Variants in NEK10 observed in about 807,000 individuals in gnomAD.
The protein encoded by NEK10 is serine/threonine-protein kinase Nek10.
Under a neutral mutation model 159.8 loss-of-function variants are expected in NEK10, and 122 were observed. The ratio of observed to expected loss-of-function variants is 0.76; its 90% confidence interval spans 0.66 to 0.89. NEK10 has a LOEUF of 0.89. NEK10 is among the 40% of genes least tolerant of loss of function. The pLI, the probability that NEK10 is intolerant of heterozygous loss-of-function variation, is 0.00. For missense variants in NEK10, 1,342 were observed against 1,323.1 expected (o/e 1.01, Z -0.22); for synonymous variants, 466 against 457.1 (o/e 1.02, Z -0.25).
intron 26 of NEK10, among the ~76,000 whole-genome samples, chr3:27,188,725 A>T (rs953535280): frequency 1.3e-5 from 2 of 152,188 alleles, no homozygotes; most frequent in Non-Finnish European, 2.9e-5. Context: ...TTTTTCACCC[A>T]TTTAAATGTT....
rs1951265160 is a variant in NEK10 at position 27,214,124 on chromosome 3, C to G, written c.2091-11567G>C. 2.0e-5 allele frequency among the ~76,000 whole-genome samples: 3 copies of G among 152,322 alleles called. 1 individual carries two copies. In the South Asian group the frequency reaches 6.2e-4, roughly 32 times the overall value. ...ATATCAGTTTTAACTAATCATCAAT[C>G]AGAAAATCTATGAATCCCACCCACG... On this transcript the variant is annotated intron_variant, in intron 23 of 35. Coordinates refer to ENST00000691995, the MANE Select transcript of NEK10 (RefSeq NM_001394966.1).
At chr3:27,143,695 A>C (rs1450867770) in intron 30 of NEK10, among the ~76,000 whole-genome samples, 1 of 152,160 alleles carries the variant, frequency 6.6e-6, no homozygotes, top group Non-Finnish European at 1.5e-5. Flanking sequence ...ACAAGCAAGC[A>C]AACAAACAAA....
intron 1 of NEK10, among the ~76,000 whole-genome samples, chr3:27,368,246 C>A (rs1454336048): frequency 6.6e-6 from 1 of 151,966 alleles, no homozygotes; most frequent in Admixed American, 6.6e-5. Context: ...GAGCTGAGAT[C>A]GCTCCACTGC....
At chr3:27,308,905 A>G in intron 10 of NEK10, 21 bp downstream of exon 10, 1 of 1,308,008 alleles carries the variant, frequency 7.6e-7, no homozygotes, top group Non-Finnish European at 1.1e-6. Flanking sequence ...ACTGGAAAGT[A>G]TATTAGAATA....
chr3:27,134,810 C>A (rs1943014744), intron 31 of NEK10, among the ~76,000 whole-genome samples: 2 of 152,138 alleles, frequency 1.3e-5, no homozygotes. Context: ...AATGATGACT[C>A]ATGCATAGTT....
chr3:27,292,946 T>C (rs1470869615), intron 16 of NEK10, among the ~76,000 whole-genome samples: 1 of 152,174 alleles, frequency 6.6e-6, no homozygotes, highest in Non-Finnish European at 1.5e-5. Context: ...CTCAATACTT[T>C]ATGTCTATTC....
At chr3:27,199,413 TC>T (rs1559596491) in intron 25 of NEK10, among the ~76,000 whole-genome samples, 1 of 152,174 alleles carries the variant, frequency 6.6e-6, no homozygotes, top group East Asian at 1.9e-4. Context: ...TGAGATACCA[TC>T]TTATACCAGT....
chr3:27,282,642 ATATATATACATAACTGTGT>A (rs1278349115), intron 22 of NEK10, among the ~76,000 whole-genome samples: 230 of 145,104 alleles, frequency 1.6e-3, no homozygotes, highest in East Asian at 3.7e-3. Context: ...TAACTGTGTT[ATATATATACATAACTGTGT>A]TATATATATA....
chr3:27,125,044 G>GAC (rs1941786101), intron 32 of NEK10, among the ~76,000 whole-genome samples: 1 of 152,048 alleles, frequency 6.6e-6, no homozygotes, highest in African/African-American at 2.4e-5. Context: ...GCTCTGAATA[G>GAC]ACACCTACAG....
rs867730584 is a variant in NEK10, at chr3:27,305,886, C to T, written c.804-915G>A. 9.9e-5 allele frequency among the ~76,000 whole-genome samples: 15 copies of T among 152,190 alleles called. 1 individual carries two copies. The highest frequency in any genetic ancestry group is 6.8e-3 in the Middle Eastern group (2 of 294). On this transcript the variant is annotated intron_variant, in intron 11 of 35. Transcript: ENST00000691995. ...CCAGTTTCATACTCTAAACACTCCC[C>T]TCCTGGATGGTGTCATCCATTCCCA...
chr3:27,145,836 T>C (rs1322664602), intron 30 of NEK10, among the ~76,000 whole-genome samples: 1 of 149,692 alleles, frequency 6.7e-6, no homozygotes, highest in Non-Finnish European at 1.5e-5. Flanking sequence ...GCAATGGCAT[T>C]TGGAGGAAGT....
chr3:27,261,200 G>GT (rs965089752), intron 22 of NEK10, among the ~76,000 whole-genome samples: 2 of 152,116 alleles, frequency 1.3e-5, no homozygotes. Context: ...TTTTTGAAGG[G>GT]TTTTTTTGTG....
intron 5 of NEK10, among the ~76,000 whole-genome samples, chr3:27,328,817 G>A (rs1408271953): frequency 4.6e-5 from 7 of 152,196 alleles, no homozygotes. Flanking sequence ...AGCAAGAGAT[G>A]ATGGGGGTTT....
chr3:27,295,623 T>G lies in NEK10; in HGVS notation c.1298A>C (p.Asn433Thr), dbSNP rs1410247793. 1 of 1,563,416 alleles carries G rather than the reference T, an allele frequency of 6.4e-7. No individual in the cohort carries two copies. Among genetic ancestry groups the G allele is most frequent in the East Asian group, 2.3e-5 (1 of 43,316 alleles). ...AGACATGTTTATTACCTGTAATAGA[T>G]TACTTTTTGCTGCATTCTTTTGCTT... Reference protein sequence around the residue: ...PNKQKNAAKSNLLQCYAFRAL... With the variant: ...PNKQKNAAKSTLLQCYAFRAL... The change falls in exon 15 of 36, where the codon AAT (asparagine) becomes ACT (threonine). Residue 433 changes from asparagine to threonine, a missense_variant. Coordinates refer to ENST00000691995, the MANE Select transcript of NEK10 (RefSeq NM_001394966.1).
Position 27,305,624 on chromosome 3 carries a change from A to AT in NEK10, c.804-654_804-653insA, listed in dbSNP as rs1473856007. Among the ~76,000 whole-genome samples the AT allele has an allele frequency of 8.8e-3, 911 of 103,592 alleles. 2 individuals carry two copies. The highest frequency in any genetic ancestry group is 0.029 in the African/African-American group (513 of 17,826). 68.0% of individuals were successfully genotyped at this position (103,592 alleles called of 152,430 possible). A position where few individuals can be genotyped will look rare whatever the true frequency, so the allele number is the denominator to read the frequency against. ...CATTGTGCTAAAGACTAAAAAAAAAAAAAAAATAATAATAATAAAAGCCTT... is the reference window on the plus strand; with the variant it reads ...CATTGTGCTAAAGACTAAAAAAAAAATAAAAAATAATAATAATAAAAGCCTT... On this transcript the variant is annotated intron_variant, in intron 11 of 35. Transcript: ENST00000691995.
chr3:27,174,591 T>C lies in NEK10; in HGVS notation c.2689+59A>G, dbSNP rs541563555. 1,140 of 1,599,704 alleles carry C rather than the reference T, an allele frequency of 7.1e-4. 5 individuals are homozygous for C. Among genetic ancestry groups the C allele is most frequent in the South Asian group, 3.8e-3 (342 of 89,238 alleles). On this transcript the variant is annotated intron_variant, in intron 27 of 35. Coordinates refer to ENST00000691995, the MANE Select transcript of NEK10 (RefSeq NM_001394966.1). ...GAAACAGGAAGGAGTCCAGAATACA[T>C]TCATGTTGACACACTGCCACTAGCA...
intron 11 of NEK10, among the ~76,000 whole-genome samples, chr3:27,307,436 G>C (rs527284892): frequency 5.3e-5 from 8 of 152,224 alleles, no homozygotes; most frequent in Middle Eastern, 3.4e-3. Flanking sequence ...ATCATAGCAG[G>C]TGATCACAAA....
At chr3:27,296,094 T>C (rs955801127) in intron 14 of NEK10, among the ~76,000 whole-genome samples, 2 of 152,184 alleles carry the variant, frequency 1.3e-5, no homozygotes, top group Admixed American at 1.3e-4. Context: ...TATTAATTTA[T>C]GTCTTTATTA....
chr3:27,147,081 A>G (rs996397697), intron 30 of NEK10, among the ~76,000 whole-genome samples: 1 of 152,208 alleles, frequency 6.6e-6, no homozygotes, highest in Non-Finnish European at 1.5e-5. Context: ...GCATTGCAAT[A>G]TGGTTTTCAG....
Sources: allele counts gnomAD v4.1 joint callset (sites outside exome capture counted in the v4.1 genomes callset), GRCh38; gene constraint gnomAD v4.1.1; transcripts MANE v1.5; gene names NCBI Gene and HGNC (gene_info 2026-07-23, HGNC 2026-07-21).